ZBTB38: variants seen among roughly 807,000 people sequenced by gnomAD.
The protein encoded by ZBTB38 is zinc finger and BTB domain-containing protein 38.
In ZBTB38, 20 loss-of-function variants were observed where a neutral mutation model predicts 76.8. The observed-to-expected ratio is 0.26, with a 90% CI of 0.18 to 0.38. The LOEUF is 0.38. ZBTB38 is among the 10% of genes least tolerant of loss of function. The pLI is 1.00. For missense variants in ZBTB38, 1,082 were observed against 1,482.3 expected (o/e 0.73, Z 4.43); for synonymous variants, 504 against 544.2 (o/e 0.93, Z 1.03).
intron 1 of ZBTB38, among the ~76,000 whole-genome samples, chr3:141,339,157 C>A (rs1943100041): frequency 6.6e-6 from 1 of 151,990 alleles, no homozygotes; most frequent in African/African-American, 2.4e-5. Context: ...GGCTCTAAGG[C>A]AGGATATTCT....
chr3:141,368,211 T>C (rs1017396871), upstream of ZBTB38: 7 of 152,376 alleles, frequency 4.6e-5, no homozygotes, highest in Admixed American at 2.6e-4. Context: ...AGCACGGCCA[T>C]GCCTCTGCCA....
chr3:141,331,355 A>G, intron 1 of ZBTB38, among the ~76,000 whole-genome samples: 1 of 152,212 alleles, frequency 6.6e-6, no homozygotes, highest in East Asian at 1.9e-4. Context: ...CAGGCTACTG[A>G]TTATGTAGGA....
intron 4 of ZBTB38, among the ~76,000 whole-genome samples, chr3:141,403,355 G>A (rs1310064491): frequency 6.6e-6 from 1 of 152,218 alleles, no homozygotes; most frequent in Non-Finnish European, 1.5e-5. Context: ...AGCAGCTAGT[G>A]AGTCGCTATA....
chr3:141,344,357 ATCT>A (rs1359474202), intron 1 of ZBTB38, among the ~76,000 whole-genome samples: 3 of 151,362 alleles, frequency 2.0e-5, no homozygotes, highest in Non-Finnish European at 4.4e-5. Context: ...TCCTTCCTCC[ATCT>A]TCTTCTTCTA....
At chr3:141,407,274 CG>C (rs1954877060) in intron 5 of ZBTB38, among the ~76,000 whole-genome samples, 1 of 152,132 alleles carries the variant, frequency 6.6e-6, no homozygotes, top group Non-Finnish European at 1.5e-5. Flanking sequence ...ATGAGGAGAC[CG>C]GGGTCAGATA....
intron 1 of ZBTB38, among the ~76,000 whole-genome samples, chr3:141,353,102 C>T (rs1236602346): frequency 2.0e-5 from 3 of 152,034 alleles, no homozygotes; most frequent in African/African-American, 7.2e-5. Flanking sequence ...AAAACTTCCT[C>T]CAGACAGACA....
intron 5 of ZBTB38, among the ~76,000 whole-genome samples, chr3:141,417,628 T>C (rs1425314617): frequency 3.3e-5 from 5 of 152,242 alleles, no homozygotes; most frequent in Admixed American, 3.3e-4. Flanking sequence ...GCCAAACTGC[T>C]TTCAGAGTGA....
intron 5 of ZBTB38, among the ~76,000 whole-genome samples, chr3:141,414,988 C>G (rs2073636373): frequency 6.6e-6 from 1 of 152,066 alleles, no homozygotes; most frequent in South Asian, 2.1e-4. Flanking sequence ...GTCATAATGT[C>G]TTTGACGCAC....
intron 4 of ZBTB38, chr3:141,387,320 G>A (rs918232893): frequency 6.6e-6 from 1 of 151,642 alleles, no homozygotes; most frequent in Non-Finnish European, 1.5e-5. Context: ...ACAAAACTCT[G>A]CTACCAGATG....
At chr3:141,375,856 T>C (rs1453444244) in intron 2 of ZBTB38, among the ~76,000 whole-genome samples, 1 of 152,122 alleles carries the variant, frequency 6.6e-6, no homozygotes. Context: ...TGCCTGCCTT[T>C]TTAAATCTGA....
At chr3:141,354,542 C>T (rs937257984) in intron 1 of ZBTB38, among the ~76,000 whole-genome samples, 1 of 152,040 alleles carries the variant, frequency 6.6e-6, no homozygotes, top group Non-Finnish European at 1.5e-5. Context: ...CTCCTAGAAG[C>T]TCTCTTCCAG....
intron 5 of ZBTB38, among the ~76,000 whole-genome samples, chr3:141,407,594 T>G (rs1955004019): frequency 6.6e-6 from 1 of 152,234 alleles, no homozygotes; most frequent in Non-Finnish European, 1.5e-5. Flanking sequence ...TACCACTGAT[T>G]TATTCTGGGT....
intron 5 of ZBTB38, among the ~76,000 whole-genome samples, chr3:141,416,357 C>T (rs771386038): frequency 6.6e-6 from 1 of 152,094 alleles, no homozygotes; most frequent in African/African-American, 2.4e-5. Flanking sequence ...TTTTCCATTC[C>T]GTGGAGTACT....
chr3:141,353,464 A>G (rs1204910361), intron 1 of ZBTB38, among the ~76,000 whole-genome samples: 3 of 152,146 alleles, frequency 2.0e-5, no homozygotes, highest in Non-Finnish European at 4.4e-5. Flanking sequence ...CCAAAAAGCA[A>G]AAGACATTAG....
In ZBTB38 at chr3:141,446,509, C is replaced by T. The variant is rs2081104069; in HGVS notation, c.*533C>T. ...TAAACAATATAACTGAAATTATGTGCATAATGAGTAACCTAAAGTAGGACA... is the reference window on the plus strand; with the variant it reads ...TAAACAATATAACTGAAATTATGTGTATAATGAGTAACCTAAAGTAGGACA... On this transcript the variant is annotated 3_prime_UTR_variant, in exon 6 of 6. Transcript: ENST00000321464. 6.5e-6 allele frequency: 1 copy of T among 152,846 alleles called. No individual in the cohort carries two copies. The highest frequency in any genetic ancestry group is 2.4e-5 in the African/African-American group (1 of 41,438). The allele number at this position is 152,846 out of a possible 1,614,324, so 9.5% of individuals were successfully genotyped here.
intron 3 of ZBTB38, chr3:141,385,797 A>G (rs1023710214): frequency 6.6e-6 from 1 of 152,092 alleles, no homozygotes; most frequent in Non-Finnish European, 1.5e-5. Context: ...GGTGATTCCA[A>G]TTTATTACAT....
chr3:141,371,284 C>A (rs572018571), intron 2 of ZBTB38, among the ~76,000 whole-genome samples: 4 of 151,938 alleles, frequency 2.6e-5, no homozygotes, highest in Non-Finnish European at 5.9e-5. Flanking sequence ...ATCTCTTGAC[C>A]TCGTGATCTG....
rs376644928 is a variant in ZBTB38 at position 141,345,879 on chromosome 3, A to T, written c.-739+21423A>T. On this transcript the variant is annotated intron_variant, in intron 1 of 7. Coordinates refer to the ZBTB38 transcript ENST00000509842. Reference sequence around the variant, plus strand: ...CATTGTGACAACTGAAGACACCCCCATGGATTTCCCAAAGACCTCCCGGGG... The same window carrying T: ...CATTGTGACAACTGAAGACACCCCCTTGGATTTCCCAAAGACCTCCCGGGG... Among the ~76,000 whole-genome samples, 377 of 152,164 alleles carry T rather than the reference A, an allele frequency of 2.5e-3. 4 individuals are homozygous for T. Among genetic ancestry groups the T allele is most frequent in the African/African-American group, 8.5e-3 (351 of 41,494 alleles).
intron 4 of ZBTB38, among the ~76,000 whole-genome samples, chr3:141,393,798 C>T (rs1455152035): frequency 6.6e-6 from 1 of 152,136 alleles, no homozygotes; most frequent in African/African-American, 2.4e-5. Context: ...AAAAAGAAGG[C>T]TCAGGAGAGA....
Sources: gnomAD v4.1 joint callset for allele counts (sites outside exome capture counted in the v4.1 genomes callset) on GRCh38, gnomAD v4.1.1 for gene constraint, MANE v1.5 for transcripts, NCBI Gene and HGNC (gene_info 2026-07-23, HGNC 2026-07-21) for gene names.